NKAIN3: variants seen among roughly 807,000 people sequenced by gnomAD.
NKAIN3 encodes sodium/potassium-transporting ATPase subunit beta-1-interacting protein 3.
In NKAIN3, 25 loss-of-function variants were observed where a neutral mutation model predicts 30.2. That is an observed-to-expected ratio of 0.83 (90% CI 0.60 to 1.16). The LOEUF (loss-of-function observed/expected upper bound fraction) is 1.16. NKAIN3 is among the 50% of genes most tolerant of loss of function. The pLI, the probability that NKAIN3 is intolerant of heterozygous loss-of-function variation, is 0.00. For missense variants in NKAIN3, 225 were observed against 254.1 expected (o/e 0.89, Z 0.78); for synonymous variants, 91 against 89.6 (o/e 1.02, Z -0.09).
intron 4 of NKAIN3, among the ~76,000 whole-genome samples, chr8:62,838,916 C>T (rs918846801): frequency 1.3e-5 from 2 of 152,018 alleles, no homozygotes; most frequent in Admixed American, 1.3e-4. Flanking sequence ...TTGGATAACT[C>T]GGGTAGAAAT....
chr8:62,606,727 T>C (rs1202851024), intron 3 of NKAIN3, among the ~76,000 whole-genome samples: 2 of 152,318 alleles, frequency 1.3e-5, no homozygotes, highest in East Asian at 3.9e-4. Flanking sequence ...TTTTGTCCTG[T>C]AATTATAGAA....
In NKAIN3 at chr8:62,978,937, G is replaced by T. The variant is rs1431876101; in HGVS notation, c.*13530G>T. On this transcript the variant is annotated 3_prime_UTR_variant, in exon 7 of 7. Coordinates refer to ENST00000623646, the MANE Select transcript of NKAIN3 (RefSeq NM_001304533.3). ...GGAGTGCACCCCCACTCACGGCATGGTCCCTCATGGCTTCCCTTGGCTAGG... is the reference window on the plus strand; with the variant it reads ...GGAGTGCACCCCCACTCACGGCATGTTCCCTCATGGCTTCCCTTGGCTAGG... The T allele has an allele frequency of 6.5e-6, 1 of 153,166 alleles. No individual in the cohort carries two copies. Among genetic ancestry groups the T allele is most frequent in the Non-Finnish European group, 1.5e-5 (1 of 68,194 alleles). The allele number at this position is 153,166 out of a possible 1,614,324, so 9.5% of individuals were successfully genotyped here.
At chr8:62,923,735 G>A (rs1822350578) in intron 5 of NKAIN3, among the ~76,000 whole-genome samples, 1 of 152,126 alleles carries the variant, frequency 6.6e-6, no homozygotes, top group African/African-American at 2.4e-5. Flanking sequence ...GTGGTGAAGG[G>A]GACAGAGTTA....
chr8:62,975,407 C>T lies in NKAIN3; in HGVS notation c.*10000C>T, dbSNP rs2130918232. On this transcript the variant is annotated 3_prime_UTR_variant, in exon 7 of 7. Transcript: ENST00000623646. ...TTAGTCATGGTAGGGTGAATGTGTC[C>T]AGGAATTTATCCATTTCTTCTAAAT... Among the ~76,000 whole-genome samples, 2 of 152,144 alleles carry T rather than the reference C, an allele frequency of 1.3e-5. No individual in the cohort carries two copies. The highest frequency in any genetic ancestry group is 4.2e-4 in the South Asian group (2 of 4,814).
At chr8:62,552,280 G>A (rs187149989) in intron 1 of NKAIN3, among the ~76,000 whole-genome samples, 6 of 152,200 alleles carry the variant, frequency 3.9e-5, no homozygotes, top group Non-Finnish European at 5.9e-5. Context: ...CTTCCAGATC[G>A]TCACTGAAAA....
intron 4 of NKAIN3, among the ~76,000 whole-genome samples, chr8:62,815,809 T>A (rs1034908391): frequency 6.6e-6 from 1 of 152,276 alleles, no homozygotes; most frequent in South Asian, 2.1e-4. Context: ...CTTGATCTAG[T>A]CTATTGTGGA....
At chr8:62,854,629 T>G (rs1820007224) in intron 4 of NKAIN3, among the ~76,000 whole-genome samples, 1 of 152,220 alleles carries the variant, frequency 6.6e-6, no homozygotes, top group South Asian at 2.1e-4. Context: ...AGCGTACAGA[T>G]GGATCTTGAT....
At chr8:62,826,549 TC>T (rs1420326004) in intron 4 of NKAIN3, among the ~76,000 whole-genome samples, 5 of 152,204 alleles carry the variant, frequency 3.3e-5, no homozygotes, top group African/African-American at 1.2e-4. Flanking sequence ...AATATTTCTA[TC>T]CATTCCATAG....
chr8:62,614,566 A>G (rs928327717), intron 3 of NKAIN3, among the ~76,000 whole-genome samples: 1 of 152,126 alleles, frequency 6.6e-6, no homozygotes, highest in Admixed American at 6.5e-5. Context: ...AAAACCAACT[A>G]GGCCTGTGAG....
chr8:62,867,747 C>A (rs1418169771), intron 4 of NKAIN3, among the ~76,000 whole-genome samples: 1 of 152,206 alleles, frequency 6.6e-6, no homozygotes, highest in East Asian at 1.9e-4. Context: ...TAGCGTTTAA[C>A]CGATACATTT....
chr8:62,362,092 C>T (rs549351763), intron 1 of NKAIN3, among the ~76,000 whole-genome samples: 4 of 152,296 alleles, frequency 2.6e-5, no homozygotes, highest in Admixed American at 1.3e-4. Context: ...TGTTAAGACT[C>T]TCTTTAGCAC....
Position 62,579,617 on chromosome 8 carries a change from A to G in NKAIN3, c.133A>G (p.Ile45Val), listed in dbSNP as rs767777331. The G allele has an allele frequency of 2.5e-6, 4 of 1,609,062 alleles. No homozygotes were observed. The highest frequency in any genetic ancestry group is 2.2e-5 in the East Asian group (1 of 44,742). Reference protein sequence around the residue: ...APILGNFLHIIVVILGLFGTI... With the variant: ...APILGNFLHIVVVILGLFGTI... Reference sequence around the variant, plus strand: ...TATTCTTGGAAATTTTCTACACATAATAGTTGTCATATTGGGTTTGTTTGG... The same window carrying G: ...TATTCTTGGAAATTTTCTACACATAGTAGTTGTCATATTGGGTTTGTTTGG... The change falls in exon 2 of 7, where the codon ATA becomes GTA. Residue 45 changes from isoleucine to valine, a missense_variant. Coordinates refer to ENST00000623646, the MANE Select transcript of NKAIN3 (RefSeq NM_001304533.3).
chr8:62,701,938 C>A (rs1024856066), intron 3 of NKAIN3, among the ~76,000 whole-genome samples: 10 of 152,178 alleles, frequency 6.6e-5, no homozygotes, highest in Non-Finnish European at 1.2e-4. Context: ...ATGCGCAGTG[C>A]GGCATCTGTC....
intron 3 of NKAIN3, among the ~76,000 whole-genome samples, chr8:62,646,832 A>T (rs1291675708): frequency 1.3e-5 from 2 of 152,170 alleles, no homozygotes; most frequent in African/African-American, 4.8e-5. Flanking sequence ...GGTACAGTAG[A>T]ACAGGCCAAT....
At chr8:62,459,920 A>G (rs1695288728) in intron 1 of NKAIN3, among the ~76,000 whole-genome samples, 1 of 152,196 alleles carries the variant, frequency 6.6e-6, no homozygotes, top group Non-Finnish European at 1.5e-5. Context: ...AGAGATGAGA[A>G]GTCATTGAAG....
intron 1 of NKAIN3, among the ~76,000 whole-genome samples, chr8:62,561,917 A>G (rs965493711): frequency 1.3e-5 from 2 of 152,180 alleles, no homozygotes; most frequent in Admixed American, 1.3e-4. Context: ...GATTAATTAC[A>G]TTTATTGCCT....
At chr8:62,429,230 C>T (rs1042792683) in intron 1 of NKAIN3, among the ~76,000 whole-genome samples, 2 of 151,714 alleles carry the variant, frequency 1.3e-5, no homozygotes, top group Non-Finnish European at 3.0e-5. Flanking sequence ...TTCACAGTGA[C>T]GCTTGCTATA....
At chr8:62,775,885 G>T (rs972552949) in intron 4 of NKAIN3, among the ~76,000 whole-genome samples, 1 of 152,010 alleles carries the variant, frequency 6.6e-6, no homozygotes, top group African/African-American at 2.4e-5. Flanking sequence ...TGCTGAAAGT[G>T]GGGTGTTTAA....
intron 4 of NKAIN3, among the ~76,000 whole-genome samples, chr8:62,871,356 T>C (rs1820637667): frequency 6.7e-6 from 1 of 149,994 alleles, no homozygotes; most frequent in African/African-American, 2.5e-5. Flanking sequence ...TTGGCCGAGA[T>C]CTTGCCACTG....
Sources: allele counts gnomAD v4.1 joint callset (sites outside exome capture counted in the v4.1 genomes callset), GRCh38; gene constraint gnomAD v4.1.1; transcripts MANE v1.5; gene names NCBI Gene and HGNC (gene_info 2026-07-23, HGNC 2026-07-21).